Variants in JAK1 observed in about 807,000 individuals in gnomAD.
JAK1 encodes Janus kinase 1, also known as tyrosine-protein kinase JAK1.
A neutral mutation model predicts 136.6 loss-of-function variants in JAK1; 16 were observed. That is an observed-to-expected ratio of 0.12 (90% CI 0.08 to 0.18). JAK1 has a LOEUF of 0.18. JAK1 is among the 10% of genes least tolerant of loss of function. The probability of loss-of-function intolerance (pLI) is 1.00; values close to 1 mark genes in which losing one functional copy is unlikely to be tolerated. For missense variants in JAK1, 859 were observed against 1,450.1 expected, an observed-to-expected ratio of 0.59 and a Z score of 6.62; for synonymous variants, 492 against 519.5, an observed-to-expected ratio of 0.95 and a Z score of 0.72.
intron 21 of JAK1, 106 bp downstream of exon 21, chr1:64,838,359 A>G (rs1163016839): frequency 1.7e-6 from 2 of 1,188,612 alleles, no homozygotes; most frequent in African/African-American, 1.5e-5. Flanking sequence ...AAAAACAAAC[A>G]GTATAATTAT....
intron 2 of JAK1, among the ~76,000 whole-genome samples, chr1:65,019,130 G>A (rs905442632): frequency 6.6e-6 from 1 of 152,052 alleles, no homozygotes; most frequent in Non-Finnish European, 1.5e-5. Context: ...AGGACCAGAA[G>A]CCTTTCATAT....
At position 64,838,597 on chromosome 1, in the gene JAK1, G is replaced by T; in HGVS notation, c.2843-8C>A. 1 of 1,612,432 alleles carries T rather than the reference G, an allele frequency of 6.2e-7. No individual in the cohort carries two copies. The highest frequency in any genetic ancestry group is 1.1e-5 in the South Asian group (1 of 91,000). On this transcript the variant is annotated splice_region_variant and splice_polypyrimidine_tract_variant and intron_variant, in intron 20 of 24. Transcript: ENST00000342505. The stretch of plus-strand genomic sequence containing the variant: ...GCTTAATACCATTTCCTCCTGTTTA[G>T]AAAAAACATCCATCAGTCTGAGGCT...
chr1:65,063,129 G>A (rs748410417), intron 1 of JAK1, among the ~76,000 whole-genome samples: 10 of 152,184 alleles, frequency 6.6e-5, no homozygotes, highest in Non-Finnish European at 1.3e-4. Context: ...TGCCACGAGT[G>A]GAGCCGTGAT....
At chr1:64,952,661 C>T (rs939341800) in intron 1 of JAK1, among the ~76,000 whole-genome samples, 9 of 152,182 alleles carry the variant, frequency 5.9e-5, no homozygotes, top group African/African-American at 1.7e-4. Flanking sequence ...GCAACTAACA[C>T]GGGACCAAAG....
At chr1:65,040,625 A>ACT (rs1647122771) in intron 2 of JAK1, among the ~76,000 whole-genome samples, 1 of 141,944 alleles carries the variant, frequency 7.0e-6, no homozygotes, top group Non-Finnish European at 1.5e-5. Flanking sequence ...CAATCTCCCT[A>ACT]CTCAGCCCTC....
chr1:64,936,712 C>G (rs533747528), intron 1 of JAK1, among the ~76,000 whole-genome samples: 49 of 152,276 alleles, frequency 3.2e-4, no homozygotes, highest in South Asian at 2.1e-3. Flanking sequence ...ACCTACCTAC[C>G]TCATTTGCTT....
chr1:65,004,248 C>T (rs1046301919), intron 2 of JAK1, among the ~76,000 whole-genome samples: 2 of 152,112 alleles, frequency 1.3e-5, no homozygotes, highest in East Asian at 1.9e-4. Flanking sequence ...GCCAATAGTA[C>T]TTTCTTATTC....
intron 2 of JAK1, among the ~76,000 whole-genome samples, chr1:65,034,808 A>G (rs1647058315): frequency 6.6e-6 from 1 of 152,144 alleles, no homozygotes; most frequent in African/African-American, 2.4e-5. Context: ...TAATCCCAGC[A>G]CTTTGCGAGG....
chr1:64,887,774 G>A (rs1249736695), intron 1 of JAK1, among the ~76,000 whole-genome samples: 1 of 152,198 alleles, frequency 6.6e-6, no homozygotes, highest in Non-Finnish European at 1.5e-5. Context: ...AAGCCAAAAC[G>A]GAGATAGCAG....
intron 2 of JAK1, among the ~76,000 whole-genome samples, chr1:65,000,047 G>A (rs1188765758): frequency 6.6e-6 from 1 of 150,580 alleles, no homozygotes; most frequent in Non-Finnish European, 1.5e-5. Context: ...CTGGAGTGCA[G>A]TGGCACGATC....
At chr1:65,014,522 T>A (rs766684820) in intron 2 of JAK1, among the ~76,000 whole-genome samples, 2 of 151,850 alleles carry the variant, frequency 1.3e-5, no homozygotes, top group South Asian at 4.2e-4. Context: ...CTAATGAACA[T>A]CAAAGGAAAA....
chr1:64,887,665 T>C (rs1225350240), intron 1 of JAK1, among the ~76,000 whole-genome samples: 3 of 152,180 alleles, frequency 2.0e-5, no homozygotes, highest in East Asian at 1.9e-4. Flanking sequence ...GAAGGAAAAG[T>C]AGAGAACATA....
intron 1 of JAK1, among the ~76,000 whole-genome samples, chr1:64,960,062 C>G (rs894686040): frequency 6.6e-6 from 1 of 152,018 alleles, no homozygotes; most frequent in African/African-American, 2.4e-5. Context: ...CCTCTCTCAA[C>G]AAAACAATTT....
intron 1 of JAK1, among the ~76,000 whole-genome samples, chr1:64,956,394 G>A (rs1443962229): frequency 2.0e-5 from 3 of 152,298 alleles, no homozygotes; most frequent in Admixed American, 1.3e-4. Context: ...CTGAAGGGGC[G>A]TGGCACTGGC....
intron 2 of JAK1, among the ~76,000 whole-genome samples, chr1:65,027,632 G>A (rs867287687): frequency 1.3e-5 from 2 of 152,164 alleles, no homozygotes; most frequent in Non-Finnish European, 2.9e-5. Context: ...CAGGTCTGAG[G>A]CTTGTAAAAG....
chr1:64,927,687 A>G (rs184894099), intron 1 of JAK1, among the ~76,000 whole-genome samples: 24 of 152,354 alleles, frequency 1.6e-4, no homozygotes, highest in Non-Finnish European at 1.3e-4. Context: ...GCAGGAAATA[A>G]ACATCCTGCA....
rs529645970 is a variant in JAK1, at chr1:64,930,383, C to A, written c.-78+35950G>T. 2.2e-4 allele frequency among the ~76,000 whole-genome samples: 33 copies of A among 152,154 alleles called. No individual in the cohort carries two copies. In the East Asian group the frequency reaches 6.0e-3, roughly 28 times the overall value. ...CAAAAGAAGACATTTATGTGGCCAA[C>A]AAACATAGGGGAAAAAAGCTCATCA... is the stretch of plus-strand genomic sequence containing the variant. On this transcript the variant is annotated intron_variant, in intron 1 of 24. Transcript: ENST00000342505.
intron 9 of JAK1, among the ~76,000 whole-genome samples, chr1:64,858,153 C>T (rs965714750): frequency 1.3e-5 from 2 of 152,202 alleles, no homozygotes; most frequent in African/African-American, 4.8e-5. Context: ...AAGCACAAAC[C>T]TCATGGGGGT....
chr1:64,971,227 G>A (rs1465099251), upstream of JAK1, among the ~76,000 whole-genome samples: 1 of 152,006 alleles, frequency 6.6e-6, no homozygotes. Context: ...TTTTTCCACG[G>A]GGCATATTTT....
Sources: gnomAD v4.1 joint callset for allele counts (sites outside exome capture counted in the v4.1 genomes callset) on GRCh38, gnomAD v4.1.1 for gene constraint, MANE v1.5 for transcripts, NCBI Gene and HGNC (gene_info 2026-07-23, HGNC 2026-07-21) for gene names.